Variants in WNK3 observed in about 807,000 individuals in gnomAD.
The protein encoded by WNK3 is serine/threonine-protein kinase WNK3.
A neutral mutation model predicts 116.7 loss-of-function variants in WNK3; 18 were observed. That is an observed-to-expected ratio of 0.15 (90% confidence interval 0.11 to 0.23). The LOEUF (loss-of-function observed/expected upper bound fraction) is 0.23. WNK3 is among the 10% of genes least tolerant of loss of function. The pLI, the probability that WNK3 is intolerant of heterozygous loss-of-function variation, is 1.00. For synonymous variants in WNK3, 404 were observed against 469.4 expected, an observed-to-expected ratio of 0.86 and a Z score of 1.80; for missense variants, 993 against 1,323.8, an observed-to-expected ratio of 0.75 and a Z score of 3.88.
intron 18 of WNK3, 71 bp from the exon 19 acceptor site, chrX:54,238,543 C>CA: frequency 9.5e-7 from 1 of 1,047,832 alleles, no homozygotes; most frequent in Non-Finnish European, 1.3e-6. Context: ...TTTACATTAC[C>CA]AAAAATGAAG....
At chrX:54,214,910 G>A (rs2067665512) in intron 22 of WNK3, among the ~76,000 whole-genome samples, 3 of 109,231 alleles carry the variant, frequency 2.7e-5, no homozygotes, top group African/African-American at 1.0e-4. Context: ...CTACTCAGGA[G>A]GCCGAGGCAG....
At chrX:54,246,666 C>T (rs1273082295) in intron 17 of WNK3, among the ~76,000 whole-genome samples, 3 of 112,036 alleles carry the variant, frequency 2.7e-5, no homozygotes, top group African/African-American at 9.7e-5. Flanking sequence ...CTAAGAGCAA[C>T]TAGACCTGTG....
At chrX:54,341,697 A>G (rs1557176426) in intron 1 of WNK3, among the ~76,000 whole-genome samples, 1 of 112,052 alleles carries the variant, frequency 8.9e-6, no homozygotes. Flanking sequence ...CGTCAGAGGA[A>G]AAGACTGCAT....
At chrX:54,223,711 G>T in intron 22 of WNK3, 1 of 138,004 alleles carries the variant, frequency 7.2e-6, no homozygotes. Context: ...TAAGGCCTTT[G>T]AGCAGGGATT....
intron 22 of WNK3, among the ~76,000 whole-genome samples, chrX:54,222,885 A>C (rs1399111786): frequency 7.0e-4 from 66 of 94,770 alleles, no homozygotes; most frequent in African/African-American, 2.3e-3. Context: ...CAAAAAAAAA[A>C]AAGTATAGTA....
At chrX:54,324,848 T>C (rs1395895135) in intron 2 of WNK3, among the ~76,000 whole-genome samples, 5 of 112,658 alleles carry the variant, frequency 4.4e-5, no homozygotes, top group African/African-American at 9.6e-5. Context: ...AAACAGAAAT[T>C]CTAGCATCTT....
At chrX:54,347,712 A>G (rs2069454730) in intron 1 of WNK3, among the ~76,000 whole-genome samples, 2 of 85,586 alleles carry the variant, frequency 2.3e-5, no homozygotes. Flanking sequence ...ATATATACAC[A>G]TATATATATA....
chrX:54,341,992 C>A lies in WNK3; in HGVS notation c.-119-8200G>T, dbSNP rs782215991. ...TGTCCTGGCCAGGGCCAGTGGCTAA[C>A]ACCTGTACTCCCAGTATTTGGGGCG... On this transcript the variant is annotated intron_variant, in intron 1 of 23. Coordinates refer to ENST00000354646, the Ensembl canonical transcript of WNK3. Among the ~76,000 whole-genome samples the A allele has an allele frequency of 8.0e-5, 9 of 112,287 alleles. No individual in the cohort carries two copies. The East Asian group carries it at 2.5e-3, about 31-fold the overall frequency.
chrX:54,229,872 T>C (rs944905576), intron 21 of WNK3, among the ~76,000 whole-genome samples: 2 of 111,601 alleles, frequency 1.8e-5, no homozygotes, highest in East Asian at 5.5e-4. Flanking sequence ...AAAAAGTAAT[T>C]CCAAATGTGT....
At chrX:54,232,112 T>C (rs1286625027) in intron 21 of WNK3, among the ~76,000 whole-genome samples, 1 of 93,753 alleles carries the variant, frequency 1.1e-5, no homozygotes, top group Non-Finnish European at 2.0e-5. Context: ...TGTGTGTGTG[T>C]GTATATATAT....
chrX:54,249,745 GAAAGTACTC>G, intron 16 of WNK3, 111 bp from the exon 17 acceptor site: 1 of 783,406 alleles, frequency 1.3e-6, no homozygotes, highest in Non-Finnish European at 1.8e-6. Context: ...GAACCTGTGT[GAAAGTACTC>G]TCGTAAATAA....
At chrX:54,286,678 T>C (rs2068584815) in intron 10 of WNK3, among the ~76,000 whole-genome samples, 1 of 110,496 alleles carries the variant, frequency 9.1e-6, no homozygotes, top group Admixed American at 9.8e-5. Context: ...TTTGGGAGGC[T>C]GAGGTGGGTG....
intron 10 of WNK3, among the ~76,000 whole-genome samples, chrX:54,261,629 AACACAC>A (rs782069714): frequency 2.7e-5 from 3 of 109,443 alleles, no homozygotes; most frequent in African/African-American, 6.6e-5. Flanking sequence ...TCTGTACACA[AACACAC>A]ACACACACAC....
chrX:54,259,322 A>G, exon 11 of WNK3: 1 of 1,196,701 alleles, frequency 8.4e-7, no homozygotes, highest in Non-Finnish European at 1.1e-6. Flanking sequence ...TTCAGCTCCA[A>G]CTGGTTGGGA....
At chrX:54,239,575 A>G (rs999235657) in intron 17 of WNK3, among the ~76,000 whole-genome samples, 3 of 111,519 alleles carry the variant, frequency 2.7e-5, no homozygotes, top group African/African-American at 9.8e-5. Flanking sequence ...ATAAAAACAG[A>G]AAAAAACAAG....
chrX:54,230,508 C>T (rs1603377461), intron 21 of WNK3, among the ~76,000 whole-genome samples: 1 of 111,874 alleles, frequency 8.9e-6, no homozygotes, highest in East Asian at 2.8e-4. Context: ...AAAAAGAATG[C>T]TAGTAATACC....
rs781791226 is a variant in WNK3 at position 54,217,355 on chromosome X, G to A, written c.4870+11359C>T. Among the ~76,000 whole-genome samples the A allele has an allele frequency of 1.0e-4, 10 of 98,758 alleles. No individual in the cohort carries two copies. In the East Asian group the frequency reaches 1.3e-3, roughly 13 times the overall value. The allele number at this position is 98,758 out of a possible 115,157, so 85.8% of individuals were successfully genotyped here. On this transcript the variant is annotated intron_variant, in intron 22 of 23. Transcript: ENST00000354646. ...AAAAAATTAGCCATGTGGGCCAGGCGCGGTGGCTCACACCTGTAATCCCAG... is the reference window on the plus strand; with the variant it reads ...AAAAAATTAGCCATGTGGGCCAGGCACGGTGGCTCACACCTGTAATCCCAG...
chrX:54,333,410 T>G (rs1557174712), exon 2 of WNK3: 1 of 1,212,076 alleles, frequency 8.3e-7, no homozygotes, highest in Admixed American at 2.2e-5. Flanking sequence ...TATCTACTCT[T>G]GGAATATTCA....
At chrX:54,217,229 A>G (rs1472126386) in intron 22 of WNK3, among the ~76,000 whole-genome samples, 2 of 106,806 alleles carry the variant, frequency 1.9e-5, no homozygotes, top group Admixed American at 1.0e-4. Context: ...GAGGCAGGAG[A>G]ATGGCATGAA....
Sources: gnomAD v4.1 joint callset for allele counts (sites outside exome capture counted in the v4.1 genomes callset) on GRCh38, gnomAD v4.1.1 for gene constraint, MANE v1.5 for transcripts, NCBI Gene and HGNC (gene_info 2026-07-23, HGNC 2026-07-21) for gene names.